Variants in PTPRU observed in about 807,000 individuals in gnomAD.
PTPRU encodes the protein protein tyrosine phosphatase receptor type U, also known as receptor-type tyrosine-protein phosphatase U.
PTPRU carries 69 observed loss-of-function variants against 166.3 expected under a neutral mutation model. The observed-to-expected ratio is 0.41, with a 90% CI of 0.34 to 0.51. The LOEUF is 0.51. PTPRU is among the 20% of genes least tolerant of loss of function. The pLI is 0.09. For missense variants in PTPRU, 1,657 were observed against 2,013.7 expected, an observed-to-expected ratio of 0.82 and a Z score of 3.39; for synonymous variants, 793 against 814.0, an observed-to-expected ratio of 0.97 and a Z score of 0.44.
intron 1 of PTPRU, among the ~76,000 whole-genome samples, chr1:29,252,646 A>C (rs1181014524): frequency 1.3e-5 from 2 of 152,164 alleles, no homozygotes; most frequent in African/African-American, 4.8e-5. Flanking sequence ...GAAACAGTAG[A>C]GCCTCCTAAA....
In PTPRU at chr1:29,326,279, A is replaced by T. The variant is rs1163426261; in HGVS notation, c.*618A>T. 5.8e-6 allele frequency: 1 copy of T among 173,534 alleles called. No individual in the cohort carries two copies. The highest frequency in any genetic ancestry group is 1.2e-5 in the Non-Finnish European group (1 of 82,570). 10.7% of individuals were successfully genotyped at this position (173,534 alleles called of 1,614,324 possible). A position where few individuals can be genotyped will look rare whatever the true frequency, so the allele number is the denominator to read the frequency against. On this transcript the variant is annotated 3_prime_UTR_variant, in exon 30 of 30. Transcript: ENST00000373779. ...GATATTTTGCTCACTATCCCTCCCC[A>T]CTTGCTTCCCTGATATGTGCTCTGA... is the stretch of plus-strand genomic sequence containing the variant.
intron 29 of PTPRU, 72 bp from the exon 30 acceptor site, chr1:29,325,527 C>T: frequency 5.2e-6 from 8 of 1,536,980 alleles, no homozygotes; most frequent in Non-Finnish European, 7.2e-6. Context: ...CTCTCACTCC[C>T]CGTTCCCCTC....
At chr1:29,251,335 C>T (rs990783241) in intron 1 of PTPRU, among the ~76,000 whole-genome samples, 18 of 151,998 alleles carry the variant, frequency 1.2e-4, no homozygotes, top group African/African-American at 4.4e-4. Context: ...TCACCTTGGC[C>T]GGGGTCAGTT....
rs1482457889 is a variant in PTPRU, at chr1:29,320,841, G to T, written c.3828+16G>T. On this transcript the variant is annotated intron_variant, in intron 26 of 29. Coordinates refer to ENST00000373779, the MANE Select transcript of PTPRU (RefSeq NM_133178.4). This position sits in a 1 kb window ranked among gnomAD's most constrained non-coding sequence, Gnocchi z 5.2. ...CTCCGCCTGGGTGAGGCCTCCACTG[G>T]CCAGGCCAATGGGCCGCCTGCTCCC... 1.3e-6 allele frequency: 2 copies of T among 1,548,106 alleles called. No homozygotes were observed. The highest frequency in any genetic ancestry group is 1.8e-5 in the Admixed American group (1 of 54,630).
rs925549759 is a variant in PTPRU at position 29,280,156 on chromosome 1, A to C, written c.1868+15A>C. On this transcript the variant is annotated intron_variant, in intron 11 of 29. Transcript: ENST00000373779. The surrounding 1 kb of genome is among the most constrained non-coding windows in gnomAD (Gnocchi z 4.2). ...GCGCCCATCAGGTGGGAAAGCGGGG[A>C]CGGAGGGGTGGGAGTCCAGGGCCTT... The C allele has an allele frequency of 1.3e-6, 2 of 1,597,664 alleles. No individual in the cohort carries two copies. Among genetic ancestry groups the C allele is most frequent in the Non-Finnish European group, 1.7e-6 (2 of 1,166,540 alleles).
chr1:29,284,989 C>T (rs1686277365), intron 14 of PTPRU, 120 bp downstream of exon 14: 2 of 1,324,462 alleles, frequency 1.5e-6, no homozygotes, highest in Admixed American at 2.6e-5. Flanking sequence ...TGGAGGGCTG[C>T]CAGCCTGGGC....
At position 29,259,516 on chromosome 1, in the gene PTPRU, G is replaced by C. The variant is rs746844327; in HGVS notation, c.627G>C (p.Gln209His). ...ACGCGGGCCAGAACGCGTCGTTCCAGTGCATGGCCGCGGGCAGAGCGGCCG... is the reference window on the plus strand; with the variant it reads ...ACGCGGGCCAGAACGCGTCGTTCCACTGCATGGCCGCGGGCAGAGCGGCCG... ...EVNAGQNASF[Q>H]CMAAGRAAEA... Residue 209 changes from glutamine to histidine, a missense_variant, in exon 5 of 30, where the codon CAG (glutamine) becomes CAC (histidine). Coordinates refer to ENST00000373779, the MANE Select transcript of PTPRU (RefSeq NM_133178.4). 1.4e-5 allele frequency: 22 copies of C among 1,611,046 alleles called. No homozygotes were observed. The East Asian group carries it at 4.9e-4, about 36-fold the overall frequency.
At chr1:29,316,530 G>A (rs4654301) in intron 24 of PTPRU, among the ~76,000 whole-genome samples, 151,150 of 152,292 alleles carry the variant, frequency 0.99, 75,010 homozygotes, top group East Asian at 1. Context: ...TGTGAGTGAT[G>A]AAAATCCAGC....
chr1:29,315,013 A>G lies in PTPRU; in HGVS notation c.3228-359A>G, dbSNP rs1687833310. Among the ~76,000 whole-genome samples the G allele has an allele frequency of 6.6e-6, 1 of 152,176 alleles. No individual in the cohort carries two copies. The highest frequency in any genetic ancestry group is 2.1e-4 in the South Asian group (1 of 4,828). ...GTGTGTGGGCTTTTCAAGGATGTGT[A>G]GGAGATTTGGTGGTTTTCAGGAGGA... On this transcript the variant is annotated intron_variant, in intron 22 of 29. Transcript: ENST00000373779. The surrounding 1 kb of genome is among the most constrained non-coding windows in gnomAD (Gnocchi z 4.5).
At chr1:29,276,324 A>G (rs914252038) in intron 8 of PTPRU, among the ~76,000 whole-genome samples, 2 of 151,350 alleles carry the variant, frequency 1.3e-5, no homozygotes, top group African/African-American at 4.9e-5. Flanking sequence ...AAGCTAGTTT[A>G]TTTATTTTTG....
At chr1:29,304,937 C>A in intron 17 of PTPRU, 88 bp downstream of exon 17, 1 of 1,294,204 alleles carries the variant, frequency 7.7e-7, no homozygotes, top group Non-Finnish European at 1.1e-6. Flanking sequence ...CTGGGGCAGC[C>A]TCAGAGATGA....
chr1:29,301,257 C>A (rs534740359), intron 15 of PTPRU, among the ~76,000 whole-genome samples: 1 of 152,242 alleles, frequency 6.6e-6, no homozygotes, highest in East Asian at 1.9e-4. Flanking sequence ...CCACGTATAC[C>A]ATGGTGGTCC....
At chr1:29,283,842 G>A in intron 12 of PTPRU, 98 bp from the exon 13 acceptor site, 1 of 1,422,742 alleles carries the variant, frequency 7.0e-7, no homozygotes, top group Non-Finnish European at 9.9e-7. Flanking sequence ...ACAAGACAAA[G>A]CCCTGAACAG....
At chr1:29,309,065 C>T (rs540374361) in intron 18 of PTPRU, among the ~76,000 whole-genome samples, 50 of 152,198 alleles carry the variant, frequency 3.3e-4, no homozygotes, top group African/African-American at 1.1e-3. Context: ...GGAGGCTTTT[C>T]GTCATTAGTC....
rs1253667116 is a variant in PTPRU, at chr1:29,259,515, A to G, written c.626A>G (p.Gln209Arg). 7 of 1,525,056 alleles carry G rather than the reference A, an allele frequency of 4.6e-6. No homozygotes were observed. Among genetic ancestry groups the G allele is most frequent in the African/African-American group, 1.4e-5 (1 of 69,992 alleles). 94.5% of individuals were successfully genotyped at this position (1,525,056 alleles called of 1,614,324 possible). A position where few individuals can be genotyped will look rare whatever the true frequency, so the allele number is the denominator to read the frequency against. The change falls in exon 5 of 30, where the codon CAG (glutamine) becomes CGG (arginine). Residue 209 changes from glutamine to arginine, a missense_variant. By Grantham distance (43) the Gln-to-Arg change is conservative (BLOSUM62 1). This residue lies in a region of PTPRU where 453 missense variants were observed against 496.9 expected (regional missense o/e 0.91). Coordinates refer to ENST00000373779, the MANE Select transcript of PTPRU (RefSeq NM_133178.4). ...AACGCGGGCCAGAACGCGTCGTTCC[A>G]GTGCATGGCCGCGGGCAGAGCGGCC... ...EVNAGQNASF[Q>R]CMAAGRAAEA...
intron 7 of PTPRU, among the ~76,000 whole-genome samples, chr1:29,272,683 G>T (rs1685613052): frequency 6.6e-6 from 1 of 152,046 alleles, no homozygotes; most frequent in South Asian, 2.1e-4. Flanking sequence ...GAGGCAGGAG[G>T]ATCAGTTGAG....
At chr1:29,276,409 A>G (rs889269221) in intron 8 of PTPRU, among the ~76,000 whole-genome samples, 1 of 152,172 alleles carries the variant, frequency 6.6e-6, no homozygotes, top group Non-Finnish European at 1.5e-5. Context: ...TCGACCTCCC[A>G]GGCTCAAATG....
rs1475654569 is a variant in PTPRU, at chr1:29,238,582, G to C, written c.73+1865G>C. On this transcript the variant is annotated intron_variant, in intron 1 of 29. Coordinates refer to ENST00000373779, the MANE Select transcript of PTPRU (RefSeq NM_133178.4). The surrounding 1 kb of genome is among the most constrained non-coding windows in gnomAD (Gnocchi z 6.1). ...GCTCCAGCGTTCGCGCCGGCCACTG[G>C]CCAGCGCTTGGGCCTCGCCCTGCAG... 6.6e-6 allele frequency among the ~76,000 whole-genome samples: 1 copy of C among 152,206 alleles called. No individual in the cohort carries two copies. Among genetic ancestry groups the C allele is most frequent in the African/African-American group, 2.4e-5 (1 of 41,460 alleles).
At position 29,279,769 on chromosome 1, in the gene PTPRU, G is replaced by A. The variant is rs1177646994; in HGVS notation, c.1765+112G>A. 7.7e-7 allele frequency: 1 copy of A among 1,300,002 alleles called. No homozygotes were observed. The highest frequency in any genetic ancestry group is 1.5e-5 in the African/African-American group (1 of 68,222). 80.5% of individuals were successfully genotyped at this position (1,300,002 alleles called of 1,614,324 possible). A position where few individuals can be genotyped will look rare whatever the true frequency, so the allele number is the denominator to read the frequency against. On this transcript the variant is annotated intron_variant, in intron 10 of 29. Transcript: ENST00000373779. The surrounding 1 kb of genome is among the most constrained non-coding windows in gnomAD (Gnocchi z 5.2). ...CTGGGGGTAGTTACAGAGGGCCCCTGCTGAGATAAATATGCCATTTAGGAG... is the reference window on the plus strand; with the variant it reads ...CTGGGGGTAGTTACAGAGGGCCCCTACTGAGATAAATATGCCATTTAGGAG...
Sources: gnomAD v4.1 joint callset for allele counts (sites outside exome capture counted in the v4.1 genomes callset) on GRCh38, gnomAD v4.1.1 for gene constraint, gnomAD v4.1.1 regional missense constraint, Gnocchi (gnomAD v3.1) non-coding constraint, MANE v1.5 for transcripts, NCBI Gene and HGNC (gene_info 2026-07-23, HGNC 2026-07-21) for gene names.